Variants in DCAF6 observed in about 807,000 individuals in gnomAD.
DCAF6 encodes the protein DDB1- and CUL4-associated factor 6.
Under a neutral mutation model 125.1 loss-of-function variants are expected in DCAF6, and 54 were observed. The ratio of observed to expected loss-of-function variants is 0.43; its 90% CI spans 0.35 to 0.54. The LOEUF is 0.54. Ranked by LOEUF, DCAF6 falls within the 20% of genes least tolerant of loss-of-function variation. The pLI is 0.01. For missense variants in DCAF6, 934 were observed against 1,161.7 expected (o/e 0.80, Z 2.85); for synonymous variants, 371 against 390.4 (o/e 0.95, Z 0.58).
chr1:168,025,208 A>G (rs74691232), intron 12 of DCAF6, among the ~76,000 whole-genome samples: 122 of 152,272 alleles, frequency 8.0e-4, no homozygotes, highest in African/African-American at 2.9e-3. Context: ...ATTTAATATT[A>G]TATTCAATTT....
At chr1:168,001,818 T>C (rs1682680480) in intron 7 of DCAF6, among the ~76,000 whole-genome samples, 1 of 152,102 alleles carries the variant, frequency 6.6e-6, no homozygotes, top group Non-Finnish European at 1.5e-5. Context: ...GAATAAATGA[T>C]ACACCCTTCA....
At chr1:168,030,811 A>G (rs984345251) in intron 12 of DCAF6, among the ~76,000 whole-genome samples, 5 of 152,226 alleles carry the variant, frequency 3.3e-5, no homozygotes, top group African/African-American at 1.2e-4. Context: ...CTTAGGTTAT[A>G]CATTTATTTA....
intron 3 of DCAF6, 51 bp downstream of exon 3, chr1:167,966,772 A>C: frequency 8.8e-7 from 1 of 1,134,958 alleles, no homozygotes; most frequent in Non-Finnish European, 1.3e-6. Context: ...AAAATCAAGA[A>C]GGCAGAAATG....
chr1:167,911,692 C>T, the DCAF6 span, among the ~76,000 whole-genome samples: 1 of 152,198 alleles, frequency 6.6e-6, no homozygotes, highest in Non-Finnish European at 1.5e-5. Context: ...AGTATACCCT[C>T]TCTGCAGGAA....
At chr1:168,073,911 A>G (rs557431075) in intron 21 of DCAF6, among the ~76,000 whole-genome samples, 2 of 149,912 alleles carry the variant, frequency 1.3e-5, no homozygotes, top group East Asian at 4.0e-4. Flanking sequence ...TTCCTTACTG[A>G]TCTATAAAGG....
At chr1:168,021,477 A>G (rs962458908) in intron 11 of DCAF6, among the ~76,000 whole-genome samples, 1 of 152,180 alleles carries the variant, frequency 6.6e-6, no homozygotes, top group Admixed American at 6.5e-5. Flanking sequence ...GTTGAATCCA[A>G]CTGTGAAATG....
intron 12 of DCAF6, among the ~76,000 whole-genome samples, chr1:168,024,541 C>T (rs781707592): frequency 2.0e-5 from 3 of 152,074 alleles, no homozygotes; most frequent in Non-Finnish European, 4.4e-5. Flanking sequence ...CGTGGTGGCC[C>T]ACACCTGTAT....
At chr1:168,028,681 A>G (rs948829171) in intron 12 of DCAF6, among the ~76,000 whole-genome samples, 2 of 152,196 alleles carry the variant, frequency 1.3e-5, no homozygotes, top group Non-Finnish European at 2.9e-5. Context: ...GATTTTTACT[A>G]ATTCTACTAA....
chr1:168,016,058 C>T (rs929269937), intron 11 of DCAF6, 107 bp downstream of exon 11: 3 of 997,822 alleles, frequency 3.0e-6, no homozygotes, highest in Non-Finnish European at 3.9e-6. Context: ...AGCTAATGCG[C>T]TTGCAGCTTA....
At chr1:167,946,406 C>T (rs954386888) in intron 1 of DCAF6, among the ~76,000 whole-genome samples, 1 of 152,162 alleles carries the variant, frequency 6.6e-6, no homozygotes, top group Non-Finnish European at 1.5e-5. Flanking sequence ...ACTTCCAATA[C>T]TATATTGAAG....
At chr1:168,069,851 C>T (rs1056744958) in intron 21 of DCAF6, among the ~76,000 whole-genome samples, 2 of 152,114 alleles carry the variant, frequency 1.3e-5, no homozygotes, top group African/African-American at 4.8e-5. Context: ...AACACTGTAA[C>T]TTTTTTAAAA....
At chr1:168,008,112 G>C (rs138812460) in intron 10 of DCAF6, among the ~76,000 whole-genome samples, 1 of 151,684 alleles carries the variant, frequency 6.6e-6, no homozygotes, top group Admixed American at 6.6e-5. Flanking sequence ...TGGGATTACA[G>C]GTTCCTGCCA....
chr1:167,981,194 C>G (rs1679075403), intron 4 of DCAF6, among the ~76,000 whole-genome samples: 2 of 152,138 alleles, frequency 1.3e-5, no homozygotes, highest in Admixed American at 6.5e-5. Context: ...GCATGAGCCA[C>G]CGCTCCCGGC....
At chr1:167,872,017 A>G in the DCAF6 span, among the ~76,000 whole-genome samples, 1 of 152,120 alleles carries the variant, frequency 6.6e-6, no homozygotes, top group African/African-American at 2.4e-5. Context: ...AACTTAAAGT[A>G]TAATAATAAA....
the DCAF6 span, among the ~76,000 whole-genome samples, chr1:167,886,578 C>G: frequency 3.9e-5 from 6 of 152,072 alleles, no homozygotes; most frequent in African/African-American, 7.2e-5. Flanking sequence ...AATGTTAGAC[C>G]TAAAACCATA....
intron 10 of DCAF6, 132 bp downstream of exon 10, chr1:168,004,925 G>C: frequency 9.7e-7 from 1 of 1,036,244 alleles, no homozygotes; most frequent in Non-Finnish European, 1.3e-6. Flanking sequence ...TGTAATATAT[G>C]GTTATGTAAC....
Position 168,019,471 on chromosome 1 carries a change from A to C in DCAF6, c.1550-3517A>C, listed in dbSNP as rs115006992. ...AGCTATATGTACATGTATCAGATGA[A>C]TGTCCTAAACAGGTATGGCAGAGGC... On this transcript the variant is annotated intron_variant, in intron 11 of 21. Transcript: ENST00000367840. 5.3e-3 allele frequency: 2,199 copies of C among 418,050 alleles called. 51 individuals are homozygous for C. Among genetic ancestry groups the C allele is most frequent in the African/African-American group, 0.038 (1,890 of 49,322 alleles). The allele number at this position is 418,050 out of a possible 1,614,324, so 25.9% of individuals were successfully genotyped here. A position where few individuals can be genotyped will look rare whatever the true frequency, so the allele number is the denominator to read the frequency against.
At chr1:167,914,390 T>C in the DCAF6 span, among the ~76,000 whole-genome samples, 1 of 152,142 alleles carries the variant, frequency 6.6e-6, no homozygotes, top group Non-Finnish European at 1.5e-5. Context: ...AATTAGGCAA[T>C]AGTTGGTAGG....
At chr1:167,931,057 G>C (rs563266611), upstream of DCAF6, among the ~76,000 whole-genome samples, 2 of 152,308 alleles carry the variant, frequency 1.3e-5, no homozygotes, top group African/African-American at 4.8e-5. Context: ...TCACCCTCCA[G>C]AGTAGCTGGG....
Sources: gnomAD v4.1 joint callset for allele counts (sites outside exome capture counted in the v4.1 genomes callset) on GRCh38, gnomAD v4.1.1 for gene constraint, MANE v1.5 for transcripts, NCBI Gene and HGNC (gene_info 2026-07-23, HGNC 2026-07-21) for gene names.